The following ADAMTS18 variants were observed in gnomAD, a reference collection of about 807,000 sequenced individuals.
ADAMTS18 encodes the protein ADAM metallopeptidase with thrombospondin type 1 motif 18, also known as A disintegrin and metalloproteinase with thrombospondin motifs 18.
A neutral mutation model predicts 165.9 loss-of-function variants in ADAMTS18; 157 were observed. The observed-to-expected ratio is 0.95, with a 90% CI of 0.83 to 1.08. The LOEUF is 1.08. Among genes scored for constraint, ADAMTS18 ranks in the 50% least tolerant of loss-of-function variants. The probability of loss-of-function intolerance (pLI) is 0.00; values close to 1 mark genes in which losing one functional copy is unlikely to be tolerated. For missense variants in ADAMTS18, 2,040 were observed against 1,534.0 expected (o/e 1.33, Z -5.51); for synonymous variants, 782 against 578.2 (o/e 1.35, Z -5.06).
At chr16:77,410,692 T>C (rs111552559) in intron 3 of ADAMTS18, among the ~76,000 whole-genome samples, 154 of 152,262 alleles carry the variant, frequency 1.0e-3, no homozygotes, top group African/African-American at 3.5e-3. Context: ...TTGTAATCCC[T>C]GCTGAGAAAC....
intron 3 of ADAMTS18, among the ~76,000 whole-genome samples, chr16:77,409,672 G>C (rs576235545): frequency 6.6e-6 from 1 of 152,112 alleles, no homozygotes; most frequent in African/African-American, 2.4e-5. Context: ...CACTCTGACG[G>C]GTCTGCTTCA....
At chr16:77,380,890 T>C (rs180802468) in intron 3 of ADAMTS18, among the ~76,000 whole-genome samples, 148 of 152,298 alleles carry the variant, frequency 9.7e-4, no homozygotes, top group African/African-American at 3.4e-3. Flanking sequence ...ATTTTATTTA[T>C]TGAGACAGGG....
chr16:77,390,562 T>A (rs538787390), intron 3 of ADAMTS18, among the ~76,000 whole-genome samples: 116 of 152,162 alleles, frequency 7.6e-4, no homozygotes, highest in African/African-American at 2.7e-3. Flanking sequence ...TGGTGGCGTG[T>A]GCCTGTAATC....
chr16:77,337,376 T>A (rs1283201011), intron 11 of ADAMTS18, among the ~76,000 whole-genome samples: 2 of 152,220 alleles, frequency 1.3e-5, no homozygotes, highest in Admixed American at 6.5e-5. Flanking sequence ...GTGCCAAAAA[T>A]GATGCAGAGA....
At position 77,413,899 on chromosome 16, in the gene ADAMTS18, G is replaced by A. The variant is rs183601962; in HGVS notation, c.495+17396C>T. Among the ~76,000 whole-genome samples, 343 of 150,656 alleles carry A rather than the reference G, an allele frequency of 2.3e-3. 1 individual carries two copies. Among genetic ancestry groups the A allele is most frequent in the Non-Finnish European group, 2.9e-3 (195 of 67,816 alleles). ...AACATGTACGTTCTGAAAATGTTCA[G>A]AACATGGCCTATTTCATTTATCTTC... On this transcript the variant is annotated intron_variant, in intron 3 of 22. Coordinates refer to ENST00000282849, the MANE Select transcript of ADAMTS18 (RefSeq NM_199355.4).
intron 16 of ADAMTS18, among the ~76,000 whole-genome samples, chr16:77,314,470 G>C (rs1488372456): frequency 6.6e-6 from 1 of 150,930 alleles, no homozygotes; most frequent in Non-Finnish European, 1.5e-5. Flanking sequence ...AAATTAGCTG[G>C]GCATGGTAGT....
chr16:77,398,859 A>G (rs2144805257), intron 3 of ADAMTS18, among the ~76,000 whole-genome samples: 1 of 152,330 alleles, frequency 6.6e-6, no homozygotes, highest in East Asian at 1.9e-4. Flanking sequence ...TAAGACCTAA[A>G]GAGAGAGAAG....
rs1597119071 is a variant in ADAMTS18 at position 77,321,133 on chromosome 16, T to C, written c.2233A>G (p.Asn745Asp). 6.2e-7 allele frequency: 1 copy of C among 1,614,124 alleles called. No homozygotes were observed. The highest frequency in any genetic ancestry group is 1.6e-4 in the Middle Eastern group (1 of 6,062). ...CCTTTATAAAACTTGCAAGTTGAAT[T>C]ATCACCTTTGCAAACGCCACAAGCA... ...SDACGVCKGDNSTCKFYKGLY... is the reference protein window; with the variant it reads ...SDACGVCKGDDSTCKFYKGLY... Residue 745 changes from asparagine (N) to aspartate (D), a missense_variant, in exon 15 of 23, where the codon AAT (asparagine) becomes GAT (aspartate). Transcript: ENST00000282849.
At chr16:77,324,529 T>C (rs1277050144) in intron 13 of ADAMTS18, among the ~76,000 whole-genome samples, 6 of 152,236 alleles carry the variant, frequency 3.9e-5, no homozygotes, top group Non-Finnish European at 5.9e-5. Flanking sequence ...GACAAAGGCT[T>C]AGTCCTTGTG....
At chr16:77,397,842 T>A (rs36006983) in intron 3 of ADAMTS18, among the ~76,000 whole-genome samples, 2 of 152,124 alleles carry the variant, frequency 1.3e-5, no homozygotes, top group Non-Finnish European at 2.9e-5. Flanking sequence ...CTGAAGACAG[T>A]AAGCACCTTC....
chr16:77,409,588 C>G (rs2057435052), intron 3 of ADAMTS18, among the ~76,000 whole-genome samples: 1 of 152,144 alleles, frequency 6.6e-6, no homozygotes, highest in African/African-American at 2.4e-5. Flanking sequence ...ACCATGTGCT[C>G]TGTTCGGGGC....
At chr16:77,356,461 A>G (rs564242240) in intron 8 of ADAMTS18, among the ~76,000 whole-genome samples, 1 of 152,274 alleles carries the variant, frequency 6.6e-6, no homozygotes, top group African/African-American at 2.4e-5. Context: ...TATGGTAAAG[A>G]AGTTCAGAGT....
At chr16:77,356,137 T>A (rs905519078) in intron 8 of ADAMTS18, 60 bp from the exon 9 acceptor site, 51 of 1,607,974 alleles carry the variant, frequency 3.2e-5, no homozygotes, top group Non-Finnish European at 4.3e-5. Context: ...TGAAGGATAA[T>A]CTGAGGAAGA....
chr16:77,339,463 C>G (rs1427880565), intron 11 of ADAMTS18, among the ~76,000 whole-genome samples: 1 of 151,866 alleles, frequency 6.6e-6, no homozygotes, highest in Admixed American at 6.6e-5. Flanking sequence ...CGTTTTATCC[C>G]CCTTGGAACT....
rs377058407 is a variant in ADAMTS18 at position 77,421,749 on chromosome 16, G to A, written c.495+9546C>T. Among the ~76,000 whole-genome samples the A allele has an allele frequency of 9.9e-5, 15 of 151,946 alleles. 1 individual carries two copies. The East Asian group carries it at 1.4e-3, about 14-fold the overall frequency. On this transcript the variant is annotated intron_variant, in intron 3 of 22. Transcript: ENST00000282849. The stretch of plus-strand genomic sequence containing the variant: ...TGACATGTCAGCTTTTCACAAAGTA[G>A]GTCTCTCTCTCCCTACCCTCCTCAT...
chr16:77,341,634 A>T (rs1241528402), intron 11 of ADAMTS18, 70 bp downstream of exon 11: 5 of 1,255,352 alleles, frequency 4.0e-6, no homozygotes, highest in Middle Eastern at 1.8e-4. Flanking sequence ...CTAAGGTCAC[A>T]ATACAAACAG....
intron 3 of ADAMTS18, among the ~76,000 whole-genome samples, chr16:77,370,951 A>T (rs1459322916): frequency 6.6e-6 from 1 of 152,194 alleles, no homozygotes; most frequent in African/African-American, 2.4e-5. Flanking sequence ...GAATATTTTT[A>T]AAATGTTTAT....
chr16:77,423,091 TTTTTC>T (rs1567556481), intron 3 of ADAMTS18, among the ~76,000 whole-genome samples: 2 of 152,154 alleles, frequency 1.3e-5, no homozygotes, highest in Non-Finnish European at 2.9e-5. Context: ...CCCACACATA[TTTTTC>T]TTTTCAAGTG....
chr16:77,411,300 G>A (rs1384269883), intron 3 of ADAMTS18, among the ~76,000 whole-genome samples: 2 of 152,068 alleles, frequency 1.3e-5, no homozygotes, highest in African/African-American at 4.8e-5. Flanking sequence ...GACCTTTCCT[G>A]GCATTCTGTA....
Sources: allele counts gnomAD v4.1 joint callset (sites outside exome capture counted in the v4.1 genomes callset), GRCh38; gene constraint gnomAD v4.1.1; transcripts MANE v1.5; gene names NCBI Gene and HGNC (gene_info 2026-07-23, HGNC 2026-07-21).